The following TRIM27 variants were observed in gnomAD, a reference collection of about 807,000 sequenced individuals.
TRIM27 encodes tripartite motif containing 27, also known as zinc finger protein RFP.
In TRIM27, 12 loss-of-function variants were observed where a neutral mutation model predicts 57.6. The observed-to-expected ratio is 0.21, with a 90% confidence interval of 0.13 to 0.34. The LOEUF is 0.34. Among genes scored for constraint, TRIM27 ranks in the 10% least tolerant of loss-of-function variants. The pLI, the probability that TRIM27 is intolerant of heterozygous loss-of-function variation, is 1.00. For missense variants in TRIM27, 403 were observed against 656.8 expected, an observed-to-expected ratio of 0.61 and a Z score of 4.22; for synonymous variants, 266 against 259.0, an observed-to-expected ratio of 1.03 and a Z score of -0.26.
Position 28,923,488 on chromosome 6 carries a change from T to A in TRIM27, c.145A>T (p.Thr49Ser). 1 of 1,612,158 alleles carries A rather than the reference T, an allele frequency of 6.2e-7. No individual in the cohort carries two copies. Among genetic ancestry groups the A allele is most frequent in the South Asian group, 1.1e-5 (1 of 90,982 alleles). ...CLARCWGTAE[T>S]NVSCPQCRET... ...CGGCACTGCGGGCACGACACGTTAGTCTCTGCCGTGCCCCAGCAGCGGGCG... is the reference window on the plus strand; with the variant it reads ...CGGCACTGCGGGCACGACACGTTAGACTCTGCCGTGCCCCAGCAGCGGGCG... Residue 49 changes from threonine to serine, a missense_variant, in exon 1 of 8, where the codon ACT (threonine) becomes TCT (serine). By Grantham distance (58) the Thr-to-Ser change is moderately conservative (BLOSUM62 1). Coordinates refer to ENST00000377199, the MANE Select transcript of TRIM27 (RefSeq NM_006510.5).
rs1406065953 is a variant in TRIM27 at position 28,903,116 on chromosome 6, CAG to C, written c.*952_*953del. 8.6e-6 allele frequency: 2 copies of C among 231,312 alleles called. No homozygotes were observed. The highest frequency in any genetic ancestry group is 4.4e-5 in the African/African-American group (2 of 45,208). 14.3% of individuals were successfully genotyped at this position (231,312 alleles called of 1,614,324 possible). A position where few individuals can be genotyped will look rare whatever the true frequency, so the allele number is the denominator to read the frequency against. ...GTGATCTGCCCCAGCCTTCTGACTT[CAG>C]AGTGTCTCATGATCCAATGGCCATG... On this transcript the variant is annotated 3_prime_UTR_variant, in exon 8 of 8. Coordinates refer to ENST00000377199, the MANE Select transcript of TRIM27 (RefSeq NM_006510.5).
At chr6:28,918,485 C>A (rs1443835519) in intron 3 of TRIM27, among the ~76,000 whole-genome samples, 2 of 152,102 alleles carry the variant, frequency 1.3e-5, no homozygotes. Flanking sequence ...TTGACCTCAA[C>A]TGCATTACTA....
At chr6:28,915,399 A>C (rs753920060) in intron 3 of TRIM27, 2 of 151,902 alleles carry the variant, frequency 1.3e-5, no homozygotes, top group Non-Finnish European at 2.9e-5. Context: ...ACCTGAGGTC[A>C]GGAGTTGAAG....
intron 3 of TRIM27, chr6:28,914,829 A>G (rs1293353331): frequency 2.0e-5 from 3 of 150,366 alleles, no homozygotes; most frequent in East Asian, 1.9e-4. Context: ...ATGTTTTATA[A>G]TTTTCTCCAC....
At position 28,903,463 on chromosome 6, in the gene TRIM27, T is replaced by C. The variant is rs1772533795; in HGVS notation, c.*607A>G. ...CAGAGACATTGATTAGAACATTATC[T>C]CATAACAGAGGTGGGGCCATTACCC... On this transcript the variant is annotated 3_prime_UTR_variant, in exon 8 of 8. Coordinates refer to ENST00000377199, the MANE Select transcript of TRIM27 (RefSeq NM_006510.5). 4.3e-6 allele frequency: 1 copy of C among 233,464 alleles called. No homozygotes were observed. The highest frequency in any genetic ancestry group is 1.8e-4 in the South Asian group (1 of 5,538). The allele number at this position is 233,464 out of a possible 1,614,324, so 14.5% of individuals were successfully genotyped here.
Position 28,904,619 on chromosome 6 carries a change from G to C in TRIM27, c.993C>G (p.Leu331=). The C allele has an allele frequency of 6.2e-7, 1 of 1,601,878 alleles. No individual in the cohort carries two copies. Among genetic ancestry groups the C allele is most frequent in the Non-Finnish European group, 8.5e-7 (1 of 1,179,952 alleles). The change falls in exon 8 of 8, where the codon CTC becomes CTG. Residue 331 remains leucine, a synonymous_variant. Transcript: ENST00000377199. This position sits in a 1 kb window ranked among gnomAD's most constrained non-coding sequence, Gnocchi z 6.1. ...ACCGCACTTGCCGCAGATTATCAGA[G>C]AGGATCAGGCTGGGGTAGGCCGTGT... is the stretch of plus-strand genomic sequence containing the variant. ...DPDTAYPSLI[L]SDNLRQVRYS... is the part of the protein sequence containing the mutation.
intron 1 of TRIM27, among the ~76,000 whole-genome samples, chr6:28,922,726 G>A (rs1562183794): frequency 6.6e-6 from 1 of 152,172 alleles, no homozygotes; most frequent in Non-Finnish European, 1.5e-5. Flanking sequence ...GTGGTTAAGT[G>A]ACTTACTCCA....
intron 6 of TRIM27, chr6:28,907,653 T>G: frequency 3.9e-6 from 2 of 508,668 alleles, no homozygotes; most frequent in Non-Finnish European, 7.9e-6. Context: ...ATGGCTCAAG[T>G]GACACTCACT....
chr6:28,913,015 G>A (rs1389387144), intron 3 of TRIM27, among the ~76,000 whole-genome samples: 2 of 152,092 alleles, frequency 1.3e-5, no homozygotes, highest in Admixed American at 6.6e-5. Flanking sequence ...CAGCACTTTG[G>A]GAGGTCCAGG....
In TRIM27 at chr6:28,913,503, A is replaced by G. The variant is rs192054979; in HGVS notation, c.748-1785T>C. 6.6e-5 allele frequency among the ~76,000 whole-genome samples: 10 copies of G among 152,002 alleles called. No individual in the cohort carries two copies. The East Asian group carries it at 1.9e-3, about 29-fold the overall frequency. ...TGTATACATACACACACACACATAC[A>G]GTTTTGTTAAATATTGAGAAATTCT... On this transcript the variant is annotated intron_variant, in intron 3 of 7. Transcript: ENST00000377199.
At position 28,903,038 on chromosome 6, in the gene TRIM27, G is replaced by C. The variant is rs1772499427; in HGVS notation, c.*1032C>G. On this transcript the variant is annotated 3_prime_UTR_variant, in exon 8 of 8. Transcript: ENST00000377199. Reference sequence around the variant, plus strand: ...ATTCAGTTTATTTTTAAACAGAGGGGCACGTACCCACAGAGAAGCAGGACT... The same window carrying C: ...ATTCAGTTTATTTTTAAACAGAGGGCCACGTACCCACAGAGAAGCAGGACT... 4 of 222,514 alleles carry C rather than the reference G, an allele frequency of 1.8e-5. No individual in the cohort carries two copies. Among genetic ancestry groups the C allele is most frequent in the Non-Finnish European group, 3.6e-5 (4 of 111,510 alleles). 13.8% of individuals were successfully genotyped at this position (222,514 alleles called of 1,614,324 possible). A position where few individuals can be genotyped will look rare whatever the true frequency, so the allele number is the denominator to read the frequency against.
intron 3 of TRIM27, among the ~76,000 whole-genome samples, chr6:28,912,833 T>C (rs1410589587): frequency 6.6e-6 from 1 of 152,168 alleles, no homozygotes; most frequent in East Asian, 1.9e-4. Flanking sequence ...ATTTTGGGGG[T>C]GCATGCGATA....
Position 28,906,863 on chromosome 6 carries a change from C to A in TRIM27, c.946+373G>T, listed in dbSNP as rs1772801983. On this transcript the variant is annotated intron_variant, in intron 7 of 7. Transcript: ENST00000377199. ...CTAGACTTCCTCTAGCACTCAAGAG[C>A]ACTATTGTGGAGCTCAATCAGTCCT... 3 of 195,518 alleles carry A rather than the reference C, an allele frequency of 1.5e-5. No homozygotes were observed. The South Asian group carries it at 4.5e-4, about 29-fold the overall frequency. 12.1% of individuals were successfully genotyped at this position (195,518 alleles called of 1,614,324 possible). A position where few individuals can be genotyped will look rare whatever the true frequency, so the allele number is the denominator to read the frequency against.
chr6:28,904,702 A>C lies in TRIM27; in HGVS notation c.947-37T>G. 1 of 1,535,518 alleles carries C rather than the reference A, an allele frequency of 6.5e-7. No individual in the cohort carries two copies. Among genetic ancestry groups the C allele is most frequent in the Non-Finnish European group, 8.8e-7 (1 of 1,140,558 alleles). On this transcript the variant is annotated intron_variant, in intron 7 of 7. Transcript: ENST00000377199. This position sits in a 1 kb window ranked among gnomAD's most constrained non-coding sequence, Gnocchi z 6.1. Reference sequence around the variant, plus strand: ...CAAGGAAGACAGTCAGCCGTGGGCCAGGAGAGCCTATTTTAGAACACCCAG... The same window carrying C: ...CAAGGAAGACAGTCAGCCGTGGGCCCGGAGAGCCTATTTTAGAACACCCAG...
chr6:28,911,613 C>T, intron 4 of TRIM27, 83 bp downstream of exon 4: 1 of 1,413,710 alleles, frequency 7.1e-7, no homozygotes, highest in Non-Finnish European at 9.8e-7. Context: ...TCCTCAGGCT[C>T]AGGGCTCCTT....
intron 3 of TRIM27, among the ~76,000 whole-genome samples, chr6:28,914,263 T>C (rs1773436245): frequency 6.6e-6 from 1 of 151,278 alleles, no homozygotes; most frequent in Admixed American, 6.6e-5. Context: ...GCCTCCCAGG[T>C]AGCTGAGATT....
chr6:28,918,983 T>A (rs1363840573), intron 3 of TRIM27, among the ~76,000 whole-genome samples: 1 of 152,140 alleles, frequency 6.6e-6, no homozygotes, highest in African/African-American at 2.4e-5. Context: ...CCTTGCCCTA[T>A]GCCATCATCC....
In TRIM27 at chr6:28,903,979, C is replaced by T; in HGVS notation, c.*91G>A. The T allele has an allele frequency of 1.9e-6, 2 of 1,027,670 alleles. No individual in the cohort carries two copies. The highest frequency in any genetic ancestry group is 2.9e-6 in the Non-Finnish European group (2 of 678,626). 63.7% of individuals were successfully genotyped at this position (1,027,670 alleles called of 1,614,324 possible). ...AGGGCGTGGAACATGGTAAGGATAC[C>T]CAGCTGTGACAGGACGTGGCAAGGC... On this transcript the variant is annotated 3_prime_UTR_variant, in exon 8 of 8. Transcript: ENST00000377199.
intron 4 of TRIM27, among the ~76,000 whole-genome samples, chr6:28,909,977 A>G (rs2150466922): frequency 6.6e-6 from 1 of 152,276 alleles, no homozygotes; most frequent in South Asian, 2.1e-4. Flanking sequence ...AAATCTACTT[A>G]AAAATGTAAC....
Sources: allele counts gnomAD v4.1 joint callset (sites outside exome capture counted in the v4.1 genomes callset), GRCh38; gene constraint gnomAD v4.1.1; non-coding constraint Gnocchi (gnomAD v3.1); transcripts MANE v1.5; gene names NCBI Gene and HGNC (gene_info 2026-07-23, HGNC 2026-07-21).